Variants in GPAT3 observed in about 807,000 individuals in gnomAD.
GPAT3 encodes glycerol-3-phosphate acyltransferase 3.
Under a neutral mutation model 58.8 loss-of-function variants are expected in GPAT3, and 53 were observed. The ratio of observed to expected loss-of-function variants is 0.90; its 90% CI spans 0.72 to 1.13. GPAT3 has a LOEUF of 1.13. GPAT3 is among the 50% of genes most tolerant of loss of function. GPAT3 has a pLI of 0.00. For missense variants in GPAT3, 511 were observed against 527.6 expected (o/e 0.97, Z 0.31); for synonymous variants, 197 against 187.4 (o/e 1.05, Z -0.42).
At chr4:83,539,671 T>C (rs1200412025) in intron 1 of GPAT3, among the ~76,000 whole-genome samples, 1 of 152,220 alleles carries the variant, frequency 6.6e-6, no homozygotes, top group Non-Finnish European at 1.5e-5. Context: ...CATTGCTGGG[T>C]ATCTCTAGAT....
intron 2 of GPAT3, among the ~76,000 whole-genome samples, chr4:83,563,649 T>G (rs1560612091): frequency 1.3e-5 from 2 of 152,030 alleles, no homozygotes; most frequent in Non-Finnish European, 2.9e-5. Context: ...ACCCAGCTAA[T>G]TTTTGTGTTT....
At chr4:83,588,137 C>A in intron 4 of GPAT3, 73 bp from the exon 5 acceptor site, 1 of 1,332,374 alleles carries the variant, frequency 7.5e-7, no homozygotes, top group Non-Finnish European at 1.1e-6. Context: ...TGAAAAAGCA[C>A]ATTAAAACCT....
chr4:83,573,691 C>G (rs1459179912), intron 2 of GPAT3, among the ~76,000 whole-genome samples: 1 of 152,150 alleles, frequency 6.6e-6, no homozygotes, highest in Non-Finnish European at 1.5e-5. Context: ...TGCCAAGGAT[C>G]TGAGCCCCTC....
chr4:83,555,470 A>G (rs11737424), intron 2 of GPAT3, among the ~76,000 whole-genome samples: 24,686 of 152,112 alleles, frequency 0.16, 2,282 homozygotes, highest in East Asian at 0.31. Flanking sequence ...GAACTTTCAG[A>G]TTGTTGAACA....
At position 83,598,666 on chromosome 4, in the gene GPAT3, T is replaced by G. The variant is rs773117211; in HGVS notation, c.1148T>G (p.Phe383Cys). The G allele has an allele frequency of 5.0e-6, 8 of 1,607,606 alleles. No individual in the cohort carries two copies. In the African/African-American group the frequency reaches 1.1e-4, roughly 22 times the overall value. Residue 383 changes from phenylalanine to cysteine, a missense_variant, in exon 11 of 12, where the codon TTT (phenylalanine) becomes TGT (cysteine). Physicochemically the swap from Phe to Cys is radical, Grantham distance 205 (BLOSUM62 -2). Transcript: ENST00000264409. ...CAGGAAGGAGAAGATGCAGTCCAGT[T>G]TGCTAACAGGGTTAAGTCTGCTATT... is the stretch of plus-strand genomic sequence containing the variant. ...TREEGEDAVQ[F>C]ANRVKSAIAI...
chr4:83,537,625 G>GTGTGTGTGTGTGTATA (rs138199995), intron 1 of GPAT3, among the ~76,000 whole-genome samples: 4 of 147,580 alleles, frequency 2.7e-5, no homozygotes, highest in African/African-American at 7.7e-5. Context: ...GTGTGTGTGT[G>GTGTGTGTGTGTGTATA]TATATTTAAC....
intron 2 of GPAT3, among the ~76,000 whole-genome samples, chr4:83,557,547 T>C (rs1448998900): frequency 2.6e-5 from 4 of 152,186 alleles, no homozygotes; most frequent in Non-Finnish European, 5.9e-5. Flanking sequence ...AATTTCATAA[T>C]GTTTTAATGT....
At chr4:83,601,253 A>G (rs959140348) in intron 11 of GPAT3, among the ~76,000 whole-genome samples, 2 of 152,236 alleles carry the variant, frequency 1.3e-5, no homozygotes, top group African/African-American at 4.8e-5. Flanking sequence ...CATTTTGTTT[A>G]AAGTTGCAGT....
chr4:83,535,982 G>A (rs974514120), upstream of GPAT3: 2 of 985,370 alleles, frequency 2.0e-6, no homozygotes, highest in South Asian at 4.7e-5. Flanking sequence ...GGGAAGAACG[G>A]AGACCGCCCA....
At chr4:83,563,251 T>C (rs1292194154) in intron 2 of GPAT3, among the ~76,000 whole-genome samples, 1 of 152,186 alleles carries the variant, frequency 6.6e-6, no homozygotes, top group Non-Finnish European at 1.5e-5. Flanking sequence ...GTTTTACTCA[T>C]CGTTTTAAAA....
chr4:83,591,723 C>T (rs1183355087), intron 6 of GPAT3, among the ~76,000 whole-genome samples: 2 of 152,150 alleles, frequency 1.3e-5, no homozygotes, highest in Admixed American at 6.5e-5. Flanking sequence ...ATTTGACCTT[C>T]CCTGTAATCC....
At chr4:83,538,084 G>T (rs1724169758) in intron 1 of GPAT3, among the ~76,000 whole-genome samples, 1 of 152,164 alleles carries the variant, frequency 6.6e-6, no homozygotes, top group Non-Finnish European at 1.5e-5. Context: ...CTTCTAATAA[G>T]TTTGGTTCCC....
chr4:83,596,976 G>A, intron 8 of GPAT3, 63 bp downstream of exon 8: 2 of 1,470,600 alleles, frequency 1.4e-6, no homozygotes, highest in South Asian at 1.2e-5. Flanking sequence ...AGTGTGTGAG[G>A]AATAGAATTG....
intron 2 of GPAT3, among the ~76,000 whole-genome samples, chr4:83,555,090 C>T (rs1724900840): frequency 6.6e-6 from 1 of 152,202 alleles, no homozygotes; most frequent in Non-Finnish European, 1.5e-5. Context: ...AGGTGTGAGC[C>T]ACTGCGCCTG....
At chr4:83,599,550 ATGGATTTG>A (rs1726978190) in intron 11 of GPAT3, among the ~76,000 whole-genome samples, 1 of 152,168 alleles carries the variant, frequency 6.6e-6, no homozygotes, top group Non-Finnish European at 1.5e-5. Flanking sequence ...GAAAGCGGGA[ATGGATTTG>A]TGAGTGGGGT....
chr4:83,554,680 A>G (rs1724883568), intron 2 of GPAT3, among the ~76,000 whole-genome samples: 2 of 151,628 alleles, frequency 1.3e-5, no homozygotes, highest in Admixed American at 1.3e-4. Flanking sequence ...CCCTGTTACC[A>G]CTTTCTACTA....
At chr4:83,579,062 CTTTCT>C (rs1725983161) in intron 2 of GPAT3, among the ~76,000 whole-genome samples, 1 of 39,728 alleles carries the variant, frequency 2.5e-5, no homozygotes, top group Non-Finnish European at 5.1e-5. Context: ...TTCTTTCTTT[CTTTCT>C]TTCTTTCTTT....
Position 83,536,191 on chromosome 4 carries a change from C to T in GPAT3, c.-432C>T. The T allele has an allele frequency of 2.0e-6, 2 of 987,106 alleles. No individual in the cohort carries two copies. The highest frequency in any genetic ancestry group is 2.4e-6 in the Non-Finnish European group (2 of 831,092). The allele number at this position is 987,106 out of a possible 1,614,324, so 61.1% of individuals were successfully genotyped here. A position where few individuals can be genotyped will look rare whatever the true frequency, so the allele number is the denominator to read the frequency against. ...TGCGGTGCTCCCGCAGGGAACCTGGCTCGGGGAGGGCCTCCGTGAGTCATC... is the reference window on the plus strand; with the variant it reads ...TGCGGTGCTCCCGCAGGGAACCTGGTTCGGGGAGGGCCTCCGTGAGTCATC... On this transcript the variant is annotated 5_prime_UTR_variant, in exon 1 of 12. Transcript: ENST00000264409.
At position 83,587,271 on chromosome 4, in the gene GPAT3, A is replaced by T; in HGVS notation, c.496A>T (p.Ile166Phe). 1 of 1,613,600 alleles carries T rather than the reference A, an allele frequency of 6.2e-7. No individual in the cohort carries two copies. The highest frequency in any genetic ancestry group is 8.5e-7 in the Non-Finnish European group (1 of 1,179,868). ...CTTTTTCAGGGTTACCTTGGCTTTC[A>T]TTGGGATCAGTTTGCTGGTTATAGG... is the stretch of plus-strand genomic sequence containing the variant. ...LLPLRVTLAFIGISLLVIGTT... is the reference protein window; with the variant it reads ...LLPLRVTLAFFGISLLVIGTT... The change falls in exon 4 of 12, where the codon ATT (isoleucine) becomes TTT (phenylalanine). Residue 166 changes from isoleucine (I) to phenylalanine (F), a missense_variant. By Grantham distance (21) the Ile-to-Phe change is conservative. Transcript: ENST00000264409.
Sources: gnomAD v4.1 joint callset for allele counts (sites outside exome capture counted in the v4.1 genomes callset) on GRCh38, gnomAD v4.1.1 for gene constraint, MANE v1.5 for transcripts, NCBI Gene and HGNC (gene_info 2026-07-23, HGNC 2026-07-21) for gene names.